Variants in RLIG1 observed in about 807,000 individuals in gnomAD.
RLIG1 encodes the protein RNA 5'-phosphate and 3'-OH ligase 1.
the RLIG1 span, among the ~76,000 whole-genome samples, chr12:88,038,331 C>T: frequency 3.3e-5 from 5 of 152,154 alleles, no homozygotes; most frequent in South Asian, 8.3e-4. Context: ...AGGACAAGGC[C>T]GTTCACAAAC....
At chr12:88,036,332 G>T in the RLIG1 span, among the ~76,000 whole-genome samples, 1 of 152,054 alleles carries the variant, frequency 6.6e-6, no homozygotes, top group African/African-American at 2.4e-5. Flanking sequence ...CCTATATTTG[G>T]GTAATTTTTT....
the RLIG1 span, chr12:88,045,588 T>A: frequency 6.2e-7 from 1 of 1,609,706 alleles, no homozygotes; most frequent in South Asian, 1.1e-5. Flanking sequence ...ATAGGTTGGG[T>A]ACCAGTAGAG....
chr12:88,046,856 A>G, the RLIG1 span: 1 of 1,613,148 alleles, frequency 6.2e-7, no homozygotes, highest in Non-Finnish European at 8.5e-7. Context: ...CACATGGAGC[A>G]TTTCAAATAA....
the RLIG1 span, chr12:88,049,451 A>AAAT: frequency 1.4e-5 from 14 of 1,028,444 alleles, 1 homozygote; most frequent in African/African-American, 2.1e-4. Flanking sequence ...TGCATATAGG[A>AAAT]AATATACATA....
chr12:88,047,551 C>T, the RLIG1 span, among the ~76,000 whole-genome samples: 1 of 152,098 alleles, frequency 6.6e-6, no homozygotes. Context: ...CAATTCCTAA[C>T]AGTTCTAATC....
chr12:88,043,634 G>T, the RLIG1 span: 8 of 1,612,676 alleles, frequency 5.0e-6, no homozygotes, highest in African/African-American at 1.3e-5. Context: ...CTTCAAACCA[G>T]CTCCGGAGTG....
At chr12:88,047,661 G>GTCCTC in the RLIG1 span, among the ~76,000 whole-genome samples, 1 of 151,960 alleles carries the variant, frequency 6.6e-6, no homozygotes, top group Admixed American at 6.6e-5. Context: ...TTTTAGCCCT[G>GTCCTC]TCCTCTCCAT....
chr12:88,048,428 A>G, the RLIG1 span: 10 of 1,313,030 alleles, frequency 7.6e-6, 1 homozygote, highest in Non-Finnish European at 9.4e-6. Context: ...TATAAAATGC[A>G]AATAAAATTA....
chr12:88,046,260 A>G, the RLIG1 span, among the ~76,000 whole-genome samples: 1 of 152,162 alleles, frequency 6.6e-6, no homozygotes, highest in African/African-American at 2.4e-5. Context: ...AGACAGACCT[A>G]AGGATGCTAA....
the RLIG1 span, chr12:88,040,127 TTC>T: frequency 2.8e-5 from 40 of 1,410,686 alleles, no homozygotes; most frequent in African/African-American, 1.8e-4. Context: ...TAAACCGGTT[TTC>T]TCTCTCTCTT....
chr12:88,040,092 G>A, the RLIG1 span: 1 of 899,170 alleles, frequency 1.1e-6, no homozygotes, highest in South Asian at 1.4e-5. Context: ...GAGCATGTGT[G>A]CAAAGACATA....
the RLIG1 span, among the ~76,000 whole-genome samples, chr12:88,040,892 T>A: frequency 3.3e-5 from 5 of 152,140 alleles, no homozygotes; most frequent in Non-Finnish European, 5.9e-5. Context: ...TAAATGGACA[T>A]CTGGACACAT....
chr12:88,048,088 CAGG>C, the RLIG1 span: 1 of 470,940 alleles, frequency 2.1e-6, no homozygotes, highest in Non-Finnish European at 3.6e-6. Flanking sequence ...TGTAATATGT[CAGG>C]AGAAGACCAG....
At chr12:88,042,874 T>C in the RLIG1 span, 2 of 1,570,742 alleles carry the variant, frequency 1.3e-6, no homozygotes, top group African/African-American at 1.4e-5. Context: ...ACAAACAAGC[T>C]GAAAAAAGAT....
the RLIG1 span, among the ~76,000 whole-genome samples, chr12:88,047,209 A>G: frequency 2.6e-4 from 40 of 152,164 alleles, no homozygotes; most frequent in East Asian, 1.5e-3. Context: ...AGTGATAACT[A>G]TATATCCCCT....
At chr12:88,042,943 A>G in the RLIG1 span, 29 of 1,409,644 alleles carry the variant, frequency 2.1e-5, no homozygotes, top group Non-Finnish European at 9.6e-6. Flanking sequence ...TTAACTTTTC[A>G]TGTTTAAATA....
At chr12:88,043,637 C>T in the RLIG1 span, 1 of 1,612,662 alleles carries the variant, frequency 6.2e-7, no homozygotes, top group Non-Finnish European at 8.5e-7. Flanking sequence ...CAAACCAGCT[C>T]CGGAGTGCTG....
the RLIG1 span, chr12:88,035,864 A>C: frequency 6.6e-7 from 1 of 1,518,854 alleles, no homozygotes; most frequent in Non-Finnish European, 8.8e-7. Flanking sequence ...GAACCTCTGT[A>C]GGTTTCCCTG....
the RLIG1 span, chr12:88,040,133 C>G: frequency 5.4e-6 from 8 of 1,478,378 alleles, no homozygotes; most frequent in Non-Finnish European, 7.6e-6. Flanking sequence ...GGTTTTCTCT[C>G]TCTCTTTTTT....
Sources: allele counts gnomAD v4.1 joint callset (sites outside exome capture counted in the v4.1 genomes callset), GRCh38; gene constraint gnomAD v4.1.1; transcripts MANE v1.5; gene names NCBI Gene and HGNC (gene_info 2026-07-23, HGNC 2026-07-21).